The following PLPP4 variants were observed in gnomAD, a reference collection of about 807,000 sequenced individuals.
The protein encoded by PLPP4 is diacylglycerol pyrophosphate like 2.
In PLPP4, 20 loss-of-function variants were observed where a neutral mutation model predicts 32.2. The ratio of observed to expected loss-of-function variants is 0.62; its 90% CI spans 0.44 to 0.90. PLPP4 has a LOEUF of 0.90. Ranked by LOEUF, PLPP4 falls within the 40% of genes least tolerant of loss-of-function variation. The pLI is 0.00. For missense variants in PLPP4, 257 were observed against 353.1 expected (o/e 0.73, Z 2.18); for synonymous variants, 127 against 133.0 (o/e 0.95, Z 0.31).
At chr10:120,528,192 C>T (rs547179460) in intron 5 of PLPP4, among the ~76,000 whole-genome samples, 16 of 151,484 alleles carry the variant, frequency 1.1e-4, no homozygotes, top group South Asian at 4.2e-4. Flanking sequence ...CTCCTGCCTC[C>T]GCCTCCCAAG....
intron 1 of PLPP4, chr10:120,503,559 A>G (rs761903295): frequency 1.2e-5 from 19 of 1,606,294 alleles, no homozygotes; most frequent in Admixed American, 3.4e-5. Flanking sequence ...GAGTCTTTGT[A>G]CACACAAAGC....
At chr10:120,497,845 C>T (rs945406726) in intron 1 of PLPP4, among the ~76,000 whole-genome samples, 1 of 152,058 alleles carries the variant, frequency 6.6e-6, no homozygotes, top group Non-Finnish European at 1.5e-5. Flanking sequence ...TCGAGACCAT[C>T]CTGGCTAACA....
chr10:120,558,411 C>CTTTTTTTTTTTTT (rs35962206), intron 5 of PLPP4, among the ~76,000 whole-genome samples: 1 of 135,988 alleles, frequency 7.4e-6, no homozygotes, highest in Non-Finnish European at 1.6e-5. Flanking sequence ...TTCTTTCTTT[C>CTTTTTTTTTTTTT]TTTTTTTTTT....
intron 1 of PLPP4, among the ~76,000 whole-genome samples, chr10:120,498,856 C>T (rs536022261): frequency 6.6e-6 from 1 of 152,004 alleles, no homozygotes; most frequent in East Asian, 1.9e-4. Context: ...GAAGGGGTTT[C>T]GCCATGTTGG....
chr10:120,508,805 A>G (rs570873013), intron 2 of PLPP4, among the ~76,000 whole-genome samples: 1 of 152,274 alleles, frequency 6.6e-6, no homozygotes, highest in East Asian at 1.9e-4. Flanking sequence ...CACTACTTAG[A>G]TCTAAGGGTG....
intron 5 of PLPP4, among the ~76,000 whole-genome samples, chr10:120,567,340 T>A (rs2420727): frequency 0.97 from 148,274 of 152,280 alleles, 72,317 homozygotes; most frequent in East Asian, 1. Flanking sequence ...CCTCAGCTTT[T>A]CTGATAATAA....
intron 5 of PLPP4, among the ~76,000 whole-genome samples, chr10:120,528,773 C>T (rs575599364): frequency 3.5e-4 from 54 of 152,266 alleles, no homozygotes; most frequent in African/African-American, 1.3e-3. Context: ...TGTTTCTCAA[C>T]TTGTTGTTTT....
At chr10:120,476,705 A>G (rs148717063) in intron 1 of PLPP4, among the ~76,000 whole-genome samples, 4 of 152,166 alleles carry the variant, frequency 2.6e-5, no homozygotes, top group African/African-American at 9.6e-5. Context: ...TGCTGCCTCT[A>G]CCTCTACTTG....
At chr10:120,576,662 G>A (rs148937004) in intron 6 of PLPP4, among the ~76,000 whole-genome samples, 14 of 152,332 alleles carry the variant, frequency 9.2e-5, no homozygotes, top group Non-Finnish European at 1.6e-4. Context: ...TTGGACAGGT[G>A]GATGCAGCAA....
intron 5 of PLPP4, among the ~76,000 whole-genome samples, chr10:120,565,153 A>T (rs908347567): frequency 1.3e-5 from 2 of 152,128 alleles, no homozygotes; most frequent in Non-Finnish European, 2.9e-5. Context: ...TGGTATTTTA[A>T]TTCTAGCTTG....
chr10:120,537,089 T>C (rs1044241606), intron 5 of PLPP4, among the ~76,000 whole-genome samples: 7 of 152,112 alleles, frequency 4.6e-5, no homozygotes, highest in Non-Finnish European at 1.0e-4. Flanking sequence ...ACACTGTTGG[T>C]GGGGATGTAA....
At chr10:120,515,877 T>C (rs564189884) in intron 3 of PLPP4, among the ~76,000 whole-genome samples, 2 of 152,284 alleles carry the variant, frequency 1.3e-5, no homozygotes, top group African/African-American at 4.8e-5. Context: ...TCTTTCATGG[T>C]TATGGTTCTC....
intron 5 of PLPP4, among the ~76,000 whole-genome samples, chr10:120,555,138 A>C (rs1208894547): frequency 6.6e-6 from 1 of 152,072 alleles, no homozygotes; most frequent in Non-Finnish European, 1.5e-5. Flanking sequence ...AGGAGAATAA[A>C]CTAAAAATAC....
intron 1 of PLPP4, among the ~76,000 whole-genome samples, chr10:120,478,085 C>T (rs1036233583): frequency 4.6e-5 from 7 of 152,214 alleles, no homozygotes; most frequent in African/African-American, 7.2e-5. Context: ...CTGGCCCTCC[C>T]GCATTGCCCT....
At chr10:120,523,763 A>G (rs2133916501) in intron 5 of PLPP4, among the ~76,000 whole-genome samples, 1 of 152,354 alleles carries the variant, frequency 6.6e-6, no homozygotes, top group South Asian at 2.1e-4. Context: ...CTAAGAAGTG[A>G]AATTCTAAGG....
chr10:120,556,271 G>A (rs1265760273), intron 5 of PLPP4, among the ~76,000 whole-genome samples: 1 of 152,160 alleles, frequency 6.6e-6, no homozygotes, highest in African/African-American at 2.4e-5. Flanking sequence ...TAGTGCCCTG[G>A]GGGGTAATTC....
intron 5 of PLPP4, among the ~76,000 whole-genome samples, chr10:120,574,470 C>G (rs1849117026): frequency 6.6e-6 from 1 of 152,128 alleles, no homozygotes; most frequent in Non-Finnish European, 1.5e-5. Flanking sequence ...TTTAGCACAG[C>G]CATGAGTTGT....
chr10:120,543,504 A>T (rs1205845633), intron 5 of PLPP4, among the ~76,000 whole-genome samples: 1 of 152,206 alleles, frequency 6.6e-6, no homozygotes, highest in Non-Finnish European at 1.5e-5. Context: ...CAATTAAAAA[A>T]AAAACACACT....
At chr10:120,528,160 C>T (rs1237863832) in intron 5 of PLPP4, among the ~76,000 whole-genome samples, 30 of 149,946 alleles carry the variant, frequency 2.0e-4, no homozygotes, top group African/African-American at 6.9e-4. Flanking sequence ...CTGCAAGCTC[C>T]GCCTGCCGGG....
Sources: allele counts gnomAD v4.1 joint callset (sites outside exome capture counted in the v4.1 genomes callset), GRCh38; gene constraint gnomAD v4.1.1; transcripts MANE v1.5; gene names NCBI Gene and HGNC (gene_info 2026-07-23, HGNC 2026-07-21).